ARHGAP24: variants seen among roughly 807,000 people sequenced by gnomAD.
ARHGAP24 encodes the protein Rho GTPase activating protein 24.
ARHGAP24 carries 50 observed loss-of-function variants against 76.4 expected under a neutral mutation model. The ratio of observed to expected loss-of-function variants is 0.65; its 90% CI spans 0.52 to 0.83. The LOEUF (loss-of-function observed/expected upper bound fraction) is 0.83. Among genes scored for constraint, ARHGAP24 ranks in the 40% least tolerant of loss-of-function variants. The probability of loss-of-function intolerance (pLI) is 0.00; values close to 1 mark genes in which losing one functional copy is unlikely to be tolerated. For missense variants in ARHGAP24, 930 were observed against 914.2 expected, an observed-to-expected ratio of 1.02 and a Z score of -0.22; for synonymous variants, 345 against 323.3, an observed-to-expected ratio of 1.07 and a Z score of -0.72.
intron 3 of ARHGAP24, among the ~76,000 whole-genome samples, chr4:85,733,060 C>CATTTTTTTTTTT (rs1460021134): frequency 1.8e-5 from 1 of 55,206 alleles, no homozygotes; most frequent in Non-Finnish European, 3.2e-5. Flanking sequence ...GCCTCACCAA[C>CATTTTTTTTTTT]TTTTTTTTTT....
At chr4:85,680,672 G>C (rs1288895394) in intron 2 of ARHGAP24, among the ~76,000 whole-genome samples, 2 of 151,842 alleles carry the variant, frequency 1.3e-5, no homozygotes, top group Non-Finnish European at 2.9e-5. Context: ...GGTCTCACAG[G>C]TATTAAGTGG....
At chr4:85,960,360 T>A (rs1311611981) in intron 5 of ARHGAP24, among the ~76,000 whole-genome samples, 1 of 152,190 alleles carries the variant, frequency 6.6e-6, no homozygotes, top group African/African-American at 2.4e-5. Context: ...AATATCAGTT[T>A]AGTGTTGAGA....
At chr4:85,561,997 T>G (rs749795884) in intron 1 of ARHGAP24, among the ~76,000 whole-genome samples, 3 of 152,166 alleles carry the variant, frequency 2.0e-5, no homozygotes, top group Admixed American at 6.5e-5. Context: ...ACATTTGAAC[T>G]GAGAATTGAA....
intron 1 of ARHGAP24, among the ~76,000 whole-genome samples, chr4:85,551,847 T>G (rs1389997610): frequency 6.7e-6 from 1 of 148,752 alleles, no homozygotes; most frequent in African/African-American, 2.5e-5. Context: ...GGTTTTTTTG[T>G]ATTTCTGTGG....
At chr4:85,867,210 G>C (rs1411428994) in intron 3 of ARHGAP24, among the ~76,000 whole-genome samples, 1 of 152,100 alleles carries the variant, frequency 6.6e-6, no homozygotes, top group Non-Finnish European at 1.5e-5. Context: ...AAAGCACCTG[G>C]CACTTAGCAG....
At chr4:85,696,642 A>AAGATG (rs1256083370) in intron 2 of ARHGAP24, among the ~76,000 whole-genome samples, 11 of 152,296 alleles carry the variant, frequency 7.2e-5, no homozygotes, top group Middle Eastern at 3.4e-3. Context: ...CTTAAGTTTT[A>AAGATG]CATCAAATGG....
At chr4:85,827,784 T>TG (rs1423125585) in intron 3 of ARHGAP24, 84 of 558,104 alleles carry the variant, frequency 1.5e-4, no homozygotes, top group Non-Finnish European at 4.3e-5. Flanking sequence ...CCACTAGTGC[T>TG]GGGGAGCGAG....
At chr4:85,687,419 C>T (rs561248041) in intron 2 of ARHGAP24, among the ~76,000 whole-genome samples, 11 of 152,158 alleles carry the variant, frequency 7.2e-5, no homozygotes, top group African/African-American at 2.7e-4. Flanking sequence ...AATCCACAGC[C>T]CCTACTCTCT....
At chr4:85,681,854 A>C (rs1437832426) in intron 2 of ARHGAP24, among the ~76,000 whole-genome samples, 1 of 152,212 alleles carries the variant, frequency 6.6e-6, no homozygotes, top group Non-Finnish European at 1.5e-5. Flanking sequence ...GGGACAAATA[A>C]AATAAATATC....
At chr4:85,730,106 G>A (rs1725344030) in intron 3 of ARHGAP24, among the ~76,000 whole-genome samples, 1 of 152,134 alleles carries the variant, frequency 6.6e-6, no homozygotes, top group Non-Finnish European at 1.5e-5. Flanking sequence ...TAATATCTAT[G>A]CTTTAAATCA....
In ARHGAP24 at chr4:85,567,383, ATT is replaced by A. The variant is rs201760533; in HGVS notation, c.-20-3134_-20-3133del. 4.5e-4 allele frequency among the ~76,000 whole-genome samples: 69 copies of A among 152,302 alleles called. 1 individual carries two copies. In the East Asian group the frequency reaches 0.013, roughly 28 times the overall value. The stretch of plus-strand genomic sequence containing the variant: ...GAAGCCAAAAGGATGGATTTGAACT[ATT>A]TTTTAGAGGTATTCTGAATTTACTG... On this transcript the variant is annotated intron_variant, in intron 1 of 9. Coordinates refer to ENST00000395184, the MANE Select transcript of ARHGAP24 (RefSeq NM_001025616.3).
chr4:85,827,518 T>TGTGTGTGTGTGTGTGTA (rs1368669294), intron 3 of ARHGAP24, among the ~76,000 whole-genome samples: 1 of 57,932 alleles, frequency 1.7e-5, no homozygotes. Context: ...GTGTGTGTGT[T>TGTGTGTGTGTGTGTGTA]TAGAGAGAGA....
intron 3 of ARHGAP24, among the ~76,000 whole-genome samples, chr4:85,858,365 T>C (rs1003488583): frequency 8.5e-5 from 13 of 152,200 alleles, no homozygotes; most frequent in Admixed American, 6.6e-5. Flanking sequence ...AATTTTGTTG[T>C]ACATAGTAGT....
intron 1 of ARHGAP24, among the ~76,000 whole-genome samples, chr4:85,547,345 T>C (rs1290283836): frequency 6.6e-6 from 1 of 152,226 alleles, no homozygotes; most frequent in Non-Finnish European, 1.5e-5. Context: ...ATTCAGAATA[T>C]ACATTTTTGG....
At chr4:85,996,305 TAAGG>T (rs911021011) in intron 9 of ARHGAP24, among the ~76,000 whole-genome samples, 2 of 152,202 alleles carry the variant, frequency 1.3e-5, no homozygotes, top group African/African-American at 4.8e-5. Flanking sequence ...TTCACATGAA[TAAGG>T]AAGACTGTAG....
intron 2 of ARHGAP24, among the ~76,000 whole-genome samples, chr4:85,603,673 CAGA>C (rs766941866): frequency 5.3e-5 from 8 of 152,120 alleles, no homozygotes; most frequent in Non-Finnish European, 1.0e-4. Context: ...GTAAATATAG[CAGA>C]AGATTTATTC....
chr4:85,497,164 A>G (rs1723616581), intron 1 of ARHGAP24, among the ~76,000 whole-genome samples: 1 of 152,216 alleles, frequency 6.6e-6, no homozygotes, highest in Non-Finnish European at 1.5e-5. Context: ...AAATATCCCA[A>G]CCAACTGAGC....
chr4:85,806,413 A>AT (rs1419207353), intron 3 of ARHGAP24, among the ~76,000 whole-genome samples: 1 of 152,220 alleles, frequency 6.6e-6, no homozygotes, highest in Non-Finnish European at 1.5e-5. Context: ...TGTTGAAAAT[A>AT]TGCTGTTTGG....
At chr4:85,898,215 C>A (rs1734305718) in intron 3 of ARHGAP24, among the ~76,000 whole-genome samples, 1 of 151,844 alleles carries the variant, frequency 6.6e-6, no homozygotes, top group Admixed American at 6.6e-5. Flanking sequence ...TAAGCCAACT[C>A]TTCCAATTCT....
Sources: allele counts gnomAD v4.1 joint callset (sites outside exome capture counted in the v4.1 genomes callset), GRCh38; gene constraint gnomAD v4.1.1; transcripts MANE v1.5; gene names NCBI Gene and HGNC (gene_info 2026-07-23, HGNC 2026-07-21).